ZNF423: variants seen among roughly 807,000 people sequenced by gnomAD.
ZNF423 encodes Ebf-associated zinc finger protein.
Under a neutral mutation model 95.8 loss-of-function variants are expected in ZNF423, and 12 were observed. The ratio of observed to expected loss-of-function variants is 0.13; its 90% CI spans 0.08 to 0.20. The LOEUF is 0.20. Among genes scored for constraint, ZNF423 ranks in the 10% least tolerant of loss-of-function variants. The probability of loss-of-function intolerance (pLI) is 1.00; values close to 1 mark genes in which losing one functional copy is unlikely to be tolerated. For synonymous variants in ZNF423, 749 were observed against 711.9 expected, an observed-to-expected ratio of 1.05 and a Z score of -0.83; for missense variants, 1,316 against 1,737.1, an observed-to-expected ratio of 0.76 and a Z score of 4.31.
At chr16:49,710,106 T>C (rs2032496172) in intron 3 of ZNF423, among the ~76,000 whole-genome samples, 1 of 152,172 alleles carries the variant, frequency 6.6e-6, no homozygotes, top group African/African-American at 2.4e-5. Flanking sequence ...TCTATCAGCC[T>C]AAAATAAACC....
At chr16:49,510,321 T>C (rs1182016249) in intron 7 of ZNF423, among the ~76,000 whole-genome samples, 1 of 152,132 alleles carries the variant, frequency 6.6e-6, no homozygotes, top group East Asian at 1.9e-4. Flanking sequence ...CAAGGTCACA[T>C]TGACAAAGCA....
intron 3 of ZNF423, among the ~76,000 whole-genome samples, chr16:49,649,117 G>A (rs1973290203): frequency 1.3e-5 from 2 of 152,250 alleles, no homozygotes; most frequent in South Asian, 2.1e-4. Context: ...CAGGAAACAG[G>A]TTAATAAAAC....
chr16:49,718,199 T>C (rs2032763336), intron 3 of ZNF423, among the ~76,000 whole-genome samples: 2 of 152,092 alleles, frequency 1.3e-5, no homozygotes, highest in Admixed American at 1.3e-4. Context: ...GGTGGGAGGA[T>C]CACCTGAGTC....
intron 5 of ZNF423, among the ~76,000 whole-genome samples, chr16:49,551,173 C>A (rs1411688415): frequency 6.6e-6 from 1 of 152,238 alleles, no homozygotes; most frequent in Non-Finnish European, 1.5e-5. Flanking sequence ...CCCTCCTTCC[C>A]ACTCAAACTT....
chr16:49,754,932 T>C (rs754726131), intron 2 of ZNF423, among the ~76,000 whole-genome samples: 18 of 152,198 alleles, frequency 1.2e-4, no homozygotes, highest in Non-Finnish European at 1.6e-4. Flanking sequence ...TCAACTTCCT[T>C]TGTGTTAACT....
chr16:49,638,349 C>A lies in ZNF423; in HGVS notation c.827G>T (p.Cys276Phe). ...CTCCGTCTGGCTGAAGGTGTCCTCG[C>A]AGTAGTCGCACATGAAGTCGTCCTT... ...AKKDDFMCDY[C>F]EDTFSQTEEL... Residue 276 changes from cysteine to phenylalanine, a missense_variant, in exon 4 of 8, where the codon TGC becomes TTC. Cys to Phe is a radical substitution (Grantham distance 205). This residue lies in a region of ZNF423 where 399 missense variants were observed against 478.5 expected (regional missense o/e 0.83). Coordinates refer to ENST00000563137, the MANE Select transcript of ZNF423 (RefSeq NM_001379286.1). This position sits in a 1 kb window ranked among gnomAD's most constrained non-coding sequence, Gnocchi z 5.6. 6 of 1,614,110 alleles carry A rather than the reference C, an allele frequency of 3.7e-6. No individual in the cohort carries two copies. Among genetic ancestry groups the A allele is most frequent in the Non-Finnish European group, 5.1e-6 (6 of 1,180,050 alleles).
chr16:49,509,595 C>T (rs1326772707), intron 7 of ZNF423, among the ~76,000 whole-genome samples: 1 of 152,008 alleles, frequency 6.6e-6, no homozygotes, highest in East Asian at 1.9e-4. Context: ...CCTGCTTGAC[C>T]AAAGAGTACA....
At chr16:49,529,559 C>T (rs956377627) in intron 5 of ZNF423, among the ~76,000 whole-genome samples, 1 of 152,152 alleles carries the variant, frequency 6.6e-6, no homozygotes, top group East Asian at 1.9e-4. Context: ...GGAAGAGCAT[C>T]GTGCCGAGAT....
At chr16:49,550,104 G>A (rs570491795) in intron 5 of ZNF423, among the ~76,000 whole-genome samples, 38 of 152,294 alleles carry the variant, frequency 2.5e-4, no homozygotes, top group African/African-American at 8.4e-4. Context: ...CTGGCCTTAA[G>A]CAATCCTCCT....
At chr16:49,641,638 C>G (rs557191935) in intron 3 of ZNF423, among the ~76,000 whole-genome samples, 1 of 152,358 alleles carries the variant, frequency 6.6e-6, no homozygotes, top group South Asian at 2.1e-4. Context: ...CACTCAGAGC[C>G]AGAGCCCTCC....
chr16:49,738,850 C>T (rs2143470005), intron 2 of ZNF423, among the ~76,000 whole-genome samples: 1 of 152,158 alleles, frequency 6.6e-6, no homozygotes. Context: ...GCAGAACCAC[C>T]AGGCGCCACA....
chr16:49,699,190 G>A (rs1009728359), intron 3 of ZNF423, among the ~76,000 whole-genome samples: 3 of 152,214 alleles, frequency 2.0e-5, no homozygotes, highest in African/African-American at 7.2e-5. Context: ...GGGCGAGGCG[G>A]CACTGACGTC....
intron 5 of ZNF423, among the ~76,000 whole-genome samples, chr16:49,608,251 C>T (rs1267747934): frequency 6.6e-6 from 1 of 152,102 alleles, no homozygotes; most frequent in African/African-American, 2.4e-5. Flanking sequence ...TCGTTAGTAT[C>T]AACGTTTACT....
chr16:49,698,566 CCAGT>C (rs1390460111), intron 3 of ZNF423, among the ~76,000 whole-genome samples: 82 of 152,374 alleles, frequency 5.4e-4, no homozygotes, highest in Admixed American at 5.4e-3. Flanking sequence ...TCAGCCTCTC[CCAGT>C]CAGTCTGGCC....
In ZNF423 at chr16:49,800,685, G is replaced by A. The variant is rs544483205; in HGVS notation, c.41-11139C>T. On this transcript the variant is annotated intron_variant, in intron 1 of 7. Transcript: ENST00000563137. ...CCCAAGTGGCATCTGGCACAGTGCC[G>A]GGTATCCCACATACTGGCTCCCCTT... is the stretch of plus-strand genomic sequence containing the variant. Among the ~76,000 whole-genome samples, 14 of 152,284 alleles carry A rather than the reference G, an allele frequency of 9.2e-5. 1 individual carries two copies. The highest frequency in any genetic ancestry group is 3.1e-4 in the African/African-American group (13 of 41,568).
chr16:49,717,743 C>T (rs1193285734), intron 3 of ZNF423, among the ~76,000 whole-genome samples: 1 of 152,230 alleles, frequency 6.6e-6, no homozygotes, highest in African/African-American at 2.4e-5. Context: ...TCCCAACCTT[C>T]CAACTTGCAA....
intron 4 of ZNF423, among the ~76,000 whole-genome samples, chr16:49,627,589 A>G (rs1461712838): frequency 6.9e-6 from 1 of 145,452 alleles, no homozygotes; most frequent in Non-Finnish European, 1.5e-5. Flanking sequence ...CTACCCATCC[A>G]TTTATCTATA....
At chr16:49,558,914 G>C (rs1360547804) in intron 5 of ZNF423, among the ~76,000 whole-genome samples, 1 of 152,226 alleles carries the variant, frequency 6.6e-6, no homozygotes, top group African/African-American at 2.4e-5. Context: ...CCACCTGGAG[G>C]GGCCCAGCAA....
chr16:49,593,245 C>T (rs1418427939), intron 5 of ZNF423, among the ~76,000 whole-genome samples: 1 of 152,006 alleles, frequency 6.6e-6, no homozygotes, highest in East Asian at 1.9e-4. Context: ...CCAGCCTGGG[C>T]AACATAGCAA....
Sources: gnomAD v4.1 joint callset for allele counts (sites outside exome capture counted in the v4.1 genomes callset) on GRCh38, gnomAD v4.1.1 for gene constraint, gnomAD v4.1.1 regional missense constraint, Gnocchi (gnomAD v3.1) non-coding constraint, MANE v1.5 for transcripts, NCBI Gene and HGNC (gene_info 2026-07-23, HGNC 2026-07-21) for gene names.